The following CDKN2B-AS1 variants were observed in gnomAD, a reference collection of about 807,000 sequenced individuals.
CDKN2B-AS1 encodes the protein CDKN2B and CDKN2A antisense cis and trans regulatory RNA 1, also known as CDKN2B antisense RNA 1 (non-protein coding).
At position 22,040,261 on chromosome 9, in the gene CDKN2B-AS1, A is replaced by C. The variant is rs114850694; in HGVS notation, n.30-6490A>C. 2.8e-3 allele frequency among the ~76,000 whole-genome samples: 423 copies of C among 152,190 alleles called. 4 individuals carry two copies. The highest frequency in any genetic ancestry group is 9.8e-3 in the African/African-American group (406 of 41,566). On this transcript the variant is annotated intron_variant and non_coding_transcript_variant, in intron 1 of 4. Transcript: ENST00000650946. ...ATTATCTTGCTTATTCCTTATCAGCATTCTATGGTGTAGATATTAGTGCCA... is the reference window on the plus strand; with the variant it reads ...ATTATCTTGCTTATTCCTTATCAGCCTTCTATGGTGTAGATATTAGTGCCA...
intron 4 of CDKN2B-AS1, among the ~76,000 whole-genome samples, chr9:22,088,606 G>C (rs1219575743): frequency 6.6e-6 from 1 of 152,172 alleles, no homozygotes; most frequent in Non-Finnish European, 1.5e-5. Context: ...ACATGGTTTT[G>C]AATATTTCTA....
At chr9:22,014,824 T>G (rs532640074) in intron 1 of CDKN2B-AS1, among the ~76,000 whole-genome samples, 2 of 146,424 alleles carry the variant, frequency 1.4e-5, no homozygotes, top group East Asian at 4.2e-4. Flanking sequence ...GTGTTCTCAT[T>G]GTTCAATTCC....
rs1820735979 is a variant in CDKN2B-AS1 at position 21,997,428 on chromosome 9, A to G, written n.29+2267A>G. 6.6e-6 allele frequency among the ~76,000 whole-genome samples: 1 copy of G among 152,112 alleles called. No homozygotes were observed. The highest frequency in any genetic ancestry group is 2.4e-5 in the African/African-American group (1 of 41,416). ...TGTGTGTGTATACAATTTTATATAT[A>G]CGTACATTATATGTCTACACACACA... On this transcript the variant is annotated intron_variant and non_coding_transcript_variant, in intron 1 of 4. Coordinates refer to ENST00000650946, the Ensembl canonical transcript of CDKN2B-AS1. This position sits in a 1 kb window ranked among gnomAD's most constrained non-coding sequence, Gnocchi z 4.8.
rs1478389300 is a variant in CDKN2B-AS1, at chr9:22,091,487, T to A, written n.438+35100T>A. Among the ~76,000 whole-genome samples the A allele has an allele frequency of 3.3e-5, 5 of 152,212 alleles. No individual in the cohort carries two copies. The East Asian group carries it at 9.6e-4, about 29-fold the overall frequency. On this transcript the variant is annotated intron_variant and non_coding_transcript_variant, in intron 4 of 4. Coordinates refer to ENST00000650946, the Ensembl canonical transcript of CDKN2B-AS1. Reference sequence around the variant, plus strand: ...TGGAATGTTCTTCCATTTGTTTGTATCCTCTTTTATTTCATTGAGCAGTGG... The same window carrying A: ...TGGAATGTTCTTCCATTTGTTTGTAACCTCTTTTATTTCATTGAGCAGTGG...
intron 4 of CDKN2B-AS1, among the ~76,000 whole-genome samples, chr9:22,059,674 C>A (rs1463099174): frequency 6.6e-6 from 1 of 152,232 alleles, no homozygotes; most frequent in African/African-American, 2.4e-5. Context: ...TGTGTGGGGG[C>A]TCTAACCCCA....
chr9:22,068,823 A>T (rs1028375179), intron 4 of CDKN2B-AS1, among the ~76,000 whole-genome samples: 3 of 152,232 alleles, frequency 2.0e-5, no homozygotes, highest in Non-Finnish European at 1.5e-5. Context: ...AGTAAGACTG[A>T]CAGTAAACTG....
rs191297855 is a variant in CDKN2B-AS1, at chr9:22,103,688, A to G, written n.439-23415A>G. 3.0e-4 allele frequency among the ~76,000 whole-genome samples: 46 copies of G among 152,332 alleles called. No homozygotes were observed. In the East Asian group the frequency reaches 6.9e-3, roughly 23 times the overall value. On this transcript the variant is annotated intron_variant and non_coding_transcript_variant, in intron 4 of 4. Transcript: ENST00000650946. The stretch of plus-strand genomic sequence containing the variant: ...AGCCTATAATAATAACAGCAATAAG[A>G]TAAACTCCACATTTGCTTTTAAAAC...
At chr9:22,045,222 A>G (rs565528010) in intron 1 of CDKN2B-AS1, among the ~76,000 whole-genome samples, 14 of 152,164 alleles carry the variant, frequency 9.2e-5, no homozygotes, top group Admixed American at 3.3e-4. Context: ...ATTCTAACAT[A>G]GAATAGCTAC....
chr9:22,096,299 A>C (rs375048305), intron 4 of CDKN2B-AS1: 6 of 152,208 alleles, frequency 3.9e-5, no homozygotes, highest in African/African-American at 9.7e-5. Flanking sequence ...CTGTGTGAGC[A>C]TTAGAGAGAA....
chr9:22,086,816 CTG>C (rs1189283019), intron 4 of CDKN2B-AS1, among the ~76,000 whole-genome samples: 2 of 152,300 alleles, frequency 1.3e-5, no homozygotes, highest in South Asian at 2.1e-4. Flanking sequence ...AGTTTCCAAA[CTG>C]TATCTACTGT....
chr9:22,107,350 A>T lies in CDKN2B-AS1; in HGVS notation n.439-19753A>T, dbSNP rs78870655. Among the ~76,000 whole-genome samples the T allele has an allele frequency of 6.4e-3, 978 of 152,318 alleles. 12 individuals are homozygous for T. Among genetic ancestry groups the T allele is most frequent in the African/African-American group, 0.022 (919 of 41,564 alleles). On this transcript the variant is annotated intron_variant and non_coding_transcript_variant, in intron 4 of 4. Transcript: ENST00000650946. ...CATTATTACCCAGGGCTCTAAGTGGAGAAAGAAAACAACCCCAGGGTGTCT... is the reference window on the plus strand; with the variant it reads ...CATTATTACCCAGGGCTCTAAGTGGTGAAAGAAAACAACCCCAGGGTGTCT...
intron 4 of CDKN2B-AS1, among the ~76,000 whole-genome samples, chr9:22,060,448 C>T (rs1280782547): frequency 6.6e-6 from 1 of 152,210 alleles, no homozygotes; most frequent in African/African-American, 2.4e-5. Context: ...ACCACCTCAG[C>T]CTGGATTTTA....
intron 1 of CDKN2B-AS1, among the ~76,000 whole-genome samples, chr9:22,022,244 T>A (rs1488214528): frequency 5.3e-5 from 8 of 152,124 alleles, no homozygotes; most frequent in Non-Finnish European, 1.2e-4. Flanking sequence ...TGTCTAATAT[T>A]CTCACTGGGG....
At chr9:22,012,463 G>C in intron 1 of CDKN2B-AS1, 5 of 700,670 alleles carry the variant, frequency 7.1e-6, no homozygotes, top group Non-Finnish European at 1.3e-5. Context: ...ATGCTCTCCT[G>C]CACCCCTATG....
At chr9:22,079,021 G>C (rs6475605) in intron 4 of CDKN2B-AS1, among the ~76,000 whole-genome samples, 16,735 of 152,154 alleles carry the variant, frequency 0.11, 2,703 homozygotes, top group African/African-American at 0.36. Flanking sequence ...ATGGGGACAA[G>C]TCGCCCCAAA....
chr9:22,108,537 T>C (rs1393721988), intron 4 of CDKN2B-AS1, among the ~76,000 whole-genome samples: 1 of 152,278 alleles, frequency 6.6e-6, no homozygotes, highest in East Asian at 1.9e-4. Flanking sequence ...TTGGTCACAG[T>C]CCTACTTGAG....
chr9:22,024,815 G>T (rs372748189), intron 1 of CDKN2B-AS1, among the ~76,000 whole-genome samples: 8 of 152,156 alleles, frequency 5.3e-5, no homozygotes, highest in African/African-American at 1.4e-4. Context: ...GCTGGTGTGC[G>T]CAGTAAGGGC....
chr9:22,110,562 C>A (rs895648201), intron 4 of CDKN2B-AS1, among the ~76,000 whole-genome samples: 9 of 152,146 alleles, frequency 5.9e-5, no homozygotes, highest in Non-Finnish European at 1.2e-4. Flanking sequence ...ATATGCTACA[C>A]ACTGTCACTA....
intron 4 of CDKN2B-AS1, among the ~76,000 whole-genome samples, chr9:22,103,094 T>C (rs1825539738): frequency 6.6e-6 from 1 of 151,642 alleles, no homozygotes; most frequent in Admixed American, 6.6e-5. Context: ...TATTCACAGG[T>C]TACTTTCTGC....
Sources: gnomAD v4.1 joint callset for allele counts (sites outside exome capture counted in the v4.1 genomes callset) on GRCh38, gnomAD v4.1.1 for gene constraint, Gnocchi (gnomAD v3.1) non-coding constraint, MANE v1.5 for transcripts, NCBI Gene and HGNC (gene_info 2026-07-23, HGNC 2026-07-21) for gene names.